Variants in DENND1B observed in about 807,000 individuals in gnomAD.
DENND1B encodes the protein DENN domain containing 1B.
Under a neutral mutation model 90.1 loss-of-function variants are expected in DENND1B, and 59 were observed. That is an observed-to-expected ratio of 0.65 (90% confidence interval 0.53 to 0.81). The LOEUF is 0.81. Among genes scored for constraint, DENND1B ranks in the 40% least tolerant of loss-of-function variants. DENND1B has a pLI of 0.00. For synonymous variants in DENND1B, 337 were observed against 324.6 expected, an observed-to-expected ratio of 1.04 and a Z score of -0.41; for missense variants, 862 against 912.6, an observed-to-expected ratio of 0.94 and a Z score of 0.71.
chr1:197,536,148 G>GAT (rs1669874762), intron 20 of DENND1B, among the ~76,000 whole-genome samples: 3 of 115,886 alleles, frequency 2.6e-5, no homozygotes, highest in African/African-American at 1.0e-4. Flanking sequence ...TTGAGAGAGA[G>GAT]AGAGAGAGAG....
chr1:197,536,784 G>A lies in DENND1B; in HGVS notation c.1515+3180C>T, dbSNP rs1421033168. ...AGACCAGGCTCGGTGGCTCATGCCT[G>A]TAATCCCAGCACTTTGGGAGGCCGA... is the stretch of plus-strand genomic sequence containing the variant. On this transcript the variant is annotated intron_variant, in intron 20 of 22. Transcript: ENST00000620048. Among the ~76,000 whole-genome samples the A allele has an allele frequency of 2.0e-5, 3 of 152,280 alleles. No individual in the cohort carries two copies. The East Asian group carries it at 5.8e-4, about 29-fold the overall frequency.
intron 12 of DENND1B, among the ~76,000 whole-genome samples, chr1:197,609,015 A>AT (rs202247274): frequency 2.7e-5 from 4 of 150,136 alleles, no homozygotes; most frequent in Admixed American, 6.7e-5. Context: ...TATTTCATCT[A>AT]TTTTTTCCCT....
At chr1:197,741,574 C>T (rs1663216541) in intron 2 of DENND1B, among the ~76,000 whole-genome samples, 2 of 151,972 alleles carry the variant, frequency 1.3e-5, no homozygotes, top group African/African-American at 4.8e-5. Flanking sequence ...TATAAAGTAA[C>T]ACAAAAACAT....
At chr1:197,689,051 G>A (rs1657569468) in intron 3 of DENND1B, 1 of 214,514 alleles carries the variant, frequency 4.7e-6, no homozygotes. Flanking sequence ...AGGACACAGA[G>A]AATTTACCAA....
At chr1:197,686,044 C>A (rs1657203134) in intron 3 of DENND1B, among the ~76,000 whole-genome samples, 1 of 152,076 alleles carries the variant, frequency 6.6e-6, no homozygotes, top group Non-Finnish European at 1.5e-5. Flanking sequence ...CATCAAAGAG[C>A]CCTCACCAAA....
At chr1:197,523,951 T>G (rs199695097) in intron 20 of DENND1B, among the ~76,000 whole-genome samples, 1 of 1,038 alleles carries the variant, frequency 9.6e-4, no homozygotes, top group Non-Finnish European at 0.5. Flanking sequence ...ATGGAATCTA[T>G]TTTTTTTTTA....
rs1443378236 is a variant in DENND1B at position 197,773,354 on chromosome 1, GT to G, written c.18-423del. Among the ~76,000 whole-genome samples, 9 of 152,182 alleles carry G rather than the reference GT, an allele frequency of 5.9e-5. No individual in the cohort carries two copies. In the East Asian group the frequency reaches 1.7e-3, roughly 29 times the overall value. ...AGTGTCATTATACCCTGCCAACAGA[GT>G]TTGACACAGGTTCTCAGGCTGTCTC... is the stretch of plus-strand genomic sequence containing the variant. On this transcript the variant is annotated intron_variant, in intron 1 of 22. Coordinates refer to ENST00000620048, the MANE Select transcript of DENND1B (RefSeq NM_001195215.2).
Position 197,611,979 on chromosome 1 carries a change from A to G in DENND1B, c.774-3T>C. The G allele has an allele frequency of 6.3e-7, 1 of 1,599,430 alleles. No homozygotes were observed. The highest frequency in any genetic ancestry group is 8.6e-7 in the Non-Finnish European group (1 of 1,169,280). ...CAATCAGGTATGGCATTGGGGCACTAAATTAAAAATATATATATGCATAGA... is the reference window on the plus strand; with the variant it reads ...CAATCAGGTATGGCATTGGGGCACTGAATTAAAAATATATATATGCATAGA... On this transcript the variant is annotated splice_polypyrimidine_tract_variant and splice_region_variant and intron_variant, in intron 11 of 22. Transcript: ENST00000620048.
chr1:197,547,973 TC>T (rs1670940225), intron 16 of DENND1B, among the ~76,000 whole-genome samples: 1 of 152,196 alleles, frequency 6.6e-6, no homozygotes, highest in African/African-American at 2.4e-5. Flanking sequence ...TTGTTATTAT[TC>T]ACAGTATTCT....
At position 197,735,560 on chromosome 1, in the gene DENND1B, C is replaced by T. The variant is rs770249129; in HGVS notation, c.83-20486G>A. 1.9e-6 allele frequency: 3 copies of T among 1,613,790 alleles called. No individual in the cohort carries two copies. The Admixed American group carries it at 5.0e-5, about 27-fold the overall frequency. On this transcript the variant is annotated intron_variant, in intron 2 of 22. Transcript: ENST00000620048. ...ATTCCATTTACAAAGTGTTCTTAGA[C>T]TTTTATGAATTCTAAAGGGTATTAC...
intron 1 of DENND1B, among the ~76,000 whole-genome samples, 195 bp downstream of exon 1, chr1:197,774,944 G>C (rs1265081787): frequency 6.6e-6 from 1 of 152,092 alleles, no homozygotes; most frequent in East Asian, 1.9e-4. Flanking sequence ...GACGCAGGGC[G>C]GGCAGGCTTT....
intron 2 of DENND1B, among the ~76,000 whole-genome samples, chr1:197,766,132 G>A (rs973222807): frequency 3.7e-4 from 57 of 152,218 alleles, no homozygotes; most frequent in Admixed American, 2.6e-3. Context: ...TGGGAGCCTC[G>A]CTATGTTGCC....
intron 10 of DENND1B, 109 bp downstream of exon 10, chr1:197,642,602 G>A (rs1451687620): frequency 1.2e-5 from 8 of 664,512 alleles, no homozygotes; most frequent in African/African-American, 1.8e-5. Context: ...AACGTATGTA[G>A]ATATTGTCTT....
chr1:197,755,032 C>T (rs139499365), intron 2 of DENND1B, among the ~76,000 whole-genome samples: 65 of 152,210 alleles, frequency 4.3e-4, no homozygotes, highest in African/African-American at 1.5e-3. Flanking sequence ...ATTTGGCTAC[C>T]CTAACTTCCA....
rs924505888 is a variant in DENND1B at position 197,553,128 on chromosome 1, G to T, written c.1150-16C>A. The T allele has an allele frequency of 8.6e-6, 13 of 1,511,818 alleles. No homozygotes were observed. In the African/African-American group the frequency reaches 1.6e-4, roughly 18 times the overall value. 93.7% of individuals were successfully genotyped at this position (1,511,818 alleles called of 1,614,324 possible). A position where few individuals can be genotyped will look rare whatever the true frequency, so the allele number is the denominator to read the frequency against. On this transcript the variant is annotated splice_polypyrimidine_tract_variant and intron_variant, in intron 15 of 22. Transcript: ENST00000620048. ...CATCGATAAACTAGAATTAAAAAGT[G>T]TCAAATAAAATGTATCAAATAAAAT... is the stretch of plus-strand genomic sequence containing the variant.
chr1:197,657,934 ATGCTG>A (rs1368814861), intron 6 of DENND1B, among the ~76,000 whole-genome samples: 1 of 152,194 alleles, frequency 6.6e-6, no homozygotes, highest in East Asian at 1.9e-4. Flanking sequence ...ATTCTGACAC[ATGCTG>A]CAACATGGAT....
chr1:197,771,822 A>C (rs1443114488), intron 2 of DENND1B, among the ~76,000 whole-genome samples: 1 of 152,224 alleles, frequency 6.6e-6, no homozygotes, highest in Admixed American at 6.5e-5. Context: ...ATATACTTTA[A>C]GTATCTAGAA....
chr1:197,707,075 A>G (rs2477058), intron 3 of DENND1B, among the ~76,000 whole-genome samples: 138,647 of 152,244 alleles, frequency 0.91, 63,384 homozygotes, highest in East Asian at 1. Flanking sequence ...ATACTATTCA[A>G]CTATAAAAAA....
chr1:197,565,594 T>A (rs537266888), intron 15 of DENND1B, among the ~76,000 whole-genome samples: 2 of 150,936 alleles, frequency 1.3e-5, no homozygotes, highest in South Asian at 4.2e-4. Context: ...ACCCATTAAC[T>A]CGTCATTTAG....
Sources: allele counts gnomAD v4.1 joint callset (sites outside exome capture counted in the v4.1 genomes callset), GRCh38; gene constraint gnomAD v4.1.1; transcripts MANE v1.5; gene names NCBI Gene and HGNC (gene_info 2026-07-23, HGNC 2026-07-21).